CTNND2: variants seen among roughly 807,000 people sequenced by gnomAD.
CTNND2 encodes catenin delta-2.
Under a neutral mutation model 144.4 loss-of-function variants are expected in CTNND2, and 22 were observed. The observed-to-expected ratio is 0.15, with a 90% CI of 0.11 to 0.22. The LOEUF (loss-of-function observed/expected upper bound fraction) is 0.22, where lower values mean the gene tolerates loss of function less well. CTNND2 is among the 10% of genes least tolerant of loss of function. The probability of loss-of-function intolerance (pLI) is 1.00; values close to 1 mark genes in which losing one functional copy is unlikely to be tolerated. For missense variants in CTNND2, 1,353 were observed against 1,618.8 expected (o/e 0.84, Z 2.82); for synonymous variants, 751 against 695.6 (o/e 1.08, Z -1.25).
chr5:11,777,368 T>G (rs536299055), intron 1 of CTNND2, among the ~76,000 whole-genome samples: 1 of 152,370 alleles, frequency 6.6e-6, no homozygotes, highest in South Asian at 2.1e-4. Context: ...AAAACACTTC[T>G]TCAGTCATAT....
intron 1 of CTNND2, among the ~76,000 whole-genome samples, chr5:11,801,699 T>C (rs1052305192): frequency 9.9e-5 from 15 of 152,186 alleles, no homozygotes; most frequent in African/African-American, 2.7e-4. Context: ...GAAATTTTAC[T>C]CTATGAGCAT....
chr5:11,477,510 C>T (rs1195609216), intron 3 of CTNND2, among the ~76,000 whole-genome samples: 1 of 151,904 alleles, frequency 6.6e-6, no homozygotes, highest in South Asian at 2.1e-4. Context: ...CTCCTGGGCT[C>T]AAGTGATCCT....
intron 9 of CTNND2, among the ~76,000 whole-genome samples, chr5:11,284,451 C>T (rs979953737): frequency 3.3e-5 from 5 of 152,032 alleles, no homozygotes; most frequent in Non-Finnish European, 5.9e-5. Flanking sequence ...GTGTGTTGTT[C>T]CCCTCCCTGT....
At chr5:10,990,602 G>A (rs1416259674) in intron 19 of CTNND2, among the ~76,000 whole-genome samples, 3 of 152,094 alleles carry the variant, frequency 2.0e-5, no homozygotes, top group Admixed American at 6.5e-5. Context: ...AAAACCTGTT[G>A]ACCACAGCTT....
At chr5:11,720,081 C>T (rs1330499936) in intron 2 of CTNND2, among the ~76,000 whole-genome samples, 3 of 152,184 alleles carry the variant, frequency 2.0e-5, no homozygotes, top group Non-Finnish European at 4.4e-5. Context: ...TGCTGCCACC[C>T]ACTGGTCAAA....
chr5:11,779,035 C>A (rs1050423162), intron 1 of CTNND2, among the ~76,000 whole-genome samples: 1 of 152,154 alleles, frequency 6.6e-6, no homozygotes, highest in South Asian at 2.1e-4. Context: ...ATTTCCAATG[C>A]CCCATCTTTT....
chr5:11,834,871 T>C (rs1794086863), intron 1 of CTNND2, among the ~76,000 whole-genome samples: 1 of 152,184 alleles, frequency 6.6e-6, no homozygotes, highest in African/African-American at 2.4e-5. Flanking sequence ...CCAGGTACAG[T>C]GGCTCCTGCC....
At chr5:11,093,052 C>T (rs1362118310) in intron 15 of CTNND2, among the ~76,000 whole-genome samples, 1 of 152,190 alleles carries the variant, frequency 6.6e-6, no homozygotes, top group Non-Finnish European at 1.5e-5. Flanking sequence ...GTCCATGTTG[C>T]TATTACGTTA....
At chr5:11,823,233 T>C (rs1338688307) in intron 1 of CTNND2, among the ~76,000 whole-genome samples, 3 of 152,222 alleles carry the variant, frequency 2.0e-5, no homozygotes, top group Non-Finnish European at 4.4e-5. Context: ...TGACACTTCA[T>C]GTCTTCCAAA....
At chr5:11,793,214 C>T (rs544643659) in intron 1 of CTNND2, among the ~76,000 whole-genome samples, 10 of 152,268 alleles carry the variant, frequency 6.6e-5, no homozygotes, top group African/African-American at 2.2e-4. Flanking sequence ...GTGGATCTTT[C>T]CGAGGCCCCA....
chr5:11,678,134 G>GA (rs986998830), intron 2 of CTNND2, among the ~76,000 whole-genome samples: 16 of 151,608 alleles, frequency 1.1e-4, no homozygotes, highest in African/African-American at 2.9e-4. Flanking sequence ...GACAATACAA[G>GA]AAAAAAAAGT....
chr5:11,352,649 T>C (rs1164316650), intron 8 of CTNND2, among the ~76,000 whole-genome samples: 6 of 152,214 alleles, frequency 3.9e-5, no homozygotes, highest in Non-Finnish European at 7.3e-5. Flanking sequence ...TATACTTATC[T>C]TAACCAATAG....
intron 10 of CTNND2, among the ~76,000 whole-genome samples, chr5:11,205,731 T>A (rs1737975591): frequency 6.6e-6 from 1 of 152,194 alleles, no homozygotes; most frequent in African/African-American, 2.4e-5. Flanking sequence ...AGGTCATAAT[T>A]TTTTAGTAGA....
intron 16 of CTNND2, among the ~76,000 whole-genome samples, chr5:11,026,812 A>G (rs2149545078): frequency 6.6e-6 from 1 of 152,204 alleles, no homozygotes; most frequent in East Asian, 1.9e-4. Context: ...AGGACATGAG[A>G]GCAGCCATTA....
intron 3 of CTNND2, among the ~76,000 whole-genome samples, chr5:11,443,963 C>T (rs11948535): frequency 0.11 from 17,437 of 152,146 alleles, 1,302 homozygotes; most frequent in African/African-American, 0.21. Context: ...TGCTTAACAA[C>T]GGCACAATTT....
At chr5:11,828,238 GGA>G (rs1469558097) in intron 1 of CTNND2, among the ~76,000 whole-genome samples, 10 of 152,124 alleles carry the variant, frequency 6.6e-5, no homozygotes, top group African/African-American at 2.4e-4. Flanking sequence ...TTTAAAAAGG[GGA>G]GTTTCCCGGC....
chr5:11,026,209 G>A (rs143124590), intron 16 of CTNND2, among the ~76,000 whole-genome samples: 3 of 152,094 alleles, frequency 2.0e-5, no homozygotes, highest in African/African-American at 7.2e-5. Flanking sequence ...TGGATGCAGA[G>A]CATAAGCTTC....
At chr5:11,388,823 G>C (rs1759341293) in intron 6 of CTNND2, among the ~76,000 whole-genome samples, 1 of 152,162 alleles carries the variant, frequency 6.6e-6, no homozygotes, top group Non-Finnish European at 1.5e-5. Flanking sequence ...ATACAGAATT[G>C]TATTCACTTT....
chr5:11,185,243 T>C (rs1408841632), intron 11 of CTNND2, among the ~76,000 whole-genome samples: 1 of 152,232 alleles, frequency 6.6e-6, no homozygotes, highest in Non-Finnish European at 1.5e-5. Flanking sequence ...TAAGCTCCTC[T>C]GGCCCTCTCT....
Sources: allele counts gnomAD v4.1 joint callset (sites outside exome capture counted in the v4.1 genomes callset), GRCh38; gene constraint gnomAD v4.1.1; transcripts MANE v1.5; gene names NCBI Gene and HGNC (gene_info 2026-07-23, HGNC 2026-07-21).